The following PRICKLE1 variants were observed in gnomAD, a reference collection of about 807,000 sequenced individuals.
The protein encoded by PRICKLE1 is prickle planar cell polarity protein 1, also known as prickle-like protein 1.
A neutral mutation model predicts 70.2 loss-of-function variants in PRICKLE1; 14 were observed. The observed-to-expected ratio is 0.20, with a 90% CI of 0.13 to 0.31. The LOEUF (loss-of-function observed/expected upper bound fraction) is 0.31. PRICKLE1 is among the 10% of genes least tolerant of loss of function. The probability of loss-of-function intolerance (pLI) is 1.00; values close to 1 mark genes in which losing one functional copy is unlikely to be tolerated. For synonymous variants in PRICKLE1, 357 were observed against 379.9 expected, an observed-to-expected ratio of 0.94 and a Z score of 0.70; for missense variants, 821 against 1,026.2, an observed-to-expected ratio of 0.80 and a Z score of 2.73.
intron 1 of PRICKLE1, among the ~76,000 whole-genome samples, chr12:42,539,437 C>T (rs1488565430): frequency 6.7e-6 from 1 of 149,624 alleles, no homozygotes; most frequent in Non-Finnish European, 1.5e-5. Context: ...CACTGCACTC[C>T]AGCCTGGGTG....
intron 1 of PRICKLE1, among the ~76,000 whole-genome samples, chr12:42,516,817 A>G (rs1566110300): frequency 6.6e-6 from 1 of 151,448 alleles, no homozygotes; most frequent in Non-Finnish European, 1.5e-5. Flanking sequence ...ATGCACCCAC[A>G]CCCCCTCTCC....
intron 1 of PRICKLE1, among the ~76,000 whole-genome samples, chr12:42,520,286 A>G (rs1167474615): frequency 2.6e-5 from 4 of 152,254 alleles, no homozygotes; most frequent in Admixed American, 1.3e-4. Flanking sequence ...CTTTTCCAGC[A>G]TAACCTAAAA....
At chr12:42,586,735 ACAAT>A (rs1398772178) in intron 1 of PRICKLE1, among the ~76,000 whole-genome samples, 20 of 152,328 alleles carry the variant, frequency 1.3e-4, no homozygotes, top group African/African-American at 4.8e-4. Flanking sequence ...AGTATTATAG[ACAAT>A]CACTCATAAT....
intron 1 of PRICKLE1, among the ~76,000 whole-genome samples, chr12:42,570,769 G>A (rs1181165857): frequency 1.3e-5 from 2 of 152,136 alleles, no homozygotes; most frequent in African/African-American, 2.4e-5. Flanking sequence ...GCAGTGAGCC[G>A]AGATTGTACC....
rs1937937840 is a variant in PRICKLE1, at chr12:42,463,418, A to T, written c.1639+977T>A. Reference sequence around the variant, plus strand: ...CACAGGGAAATTCAGGAAGATGTTTAAAAAAAAAAATGAGCTTGTGGCCAG... The same window carrying T: ...CACAGGGAAATTCAGGAAGATGTTTTAAAAAAAAAATGAGCTTGTGGCCAG... On this transcript the variant is annotated intron_variant, in intron 7 of 7. Coordinates refer to ENST00000345127, the MANE Select transcript of PRICKLE1 (RefSeq NM_153026.3). Among the ~76,000 whole-genome samples, 3 of 147,316 alleles carry T rather than the reference A, an allele frequency of 2.0e-5. No individual in the cohort carries two copies. The East Asian group carries it at 6.0e-4, about 29-fold the overall frequency.
At chr12:42,530,181 T>C (rs1017281566) in intron 1 of PRICKLE1, among the ~76,000 whole-genome samples, 2 of 152,130 alleles carry the variant, frequency 1.3e-5, no homozygotes, top group African/African-American at 4.8e-5. Flanking sequence ...TGACCTCAAG[T>C]GATCCGCCTG....
chr12:42,586,390 CTT>C (rs76144587), intron 1 of PRICKLE1, among the ~76,000 whole-genome samples: 3 of 142,772 alleles, frequency 2.1e-5, no homozygotes, highest in East Asian at 2.0e-4. Context: ...TTAAAATTAC[CTT>C]TTTTTTTTTT....
At chr12:42,493,029 A>G (rs1250351725) in intron 1 of PRICKLE1, among the ~76,000 whole-genome samples, 1 of 152,192 alleles carries the variant, frequency 6.6e-6, no homozygotes, top group African/African-American at 2.4e-5. Flanking sequence ...TTATCAGTCC[A>G]TTTATTTATT....
intron 1 of PRICKLE1, among the ~76,000 whole-genome samples, chr12:42,514,937 C>CTATCT (rs1555235199): frequency 7.2e-6 from 1 of 139,096 alleles, no homozygotes; most frequent in Admixed American, 7.4e-5. Flanking sequence ...ATCTATCTAT[C>CTATCT]TATATTTTTT....
At chr12:42,501,378 C>T (rs1183809700) in intron 1 of PRICKLE1, among the ~76,000 whole-genome samples, 3 of 151,712 alleles carry the variant, frequency 2.0e-5, no homozygotes, top group Admixed American at 6.6e-5. Flanking sequence ...GGCATGGAGG[C>T]GCGTGCCTGT....
chr12:42,522,514 T>C (rs1357540367), intron 1 of PRICKLE1, among the ~76,000 whole-genome samples: 1 of 152,234 alleles, frequency 6.6e-6, no homozygotes, highest in African/African-American at 2.4e-5. Context: ...TTCTAAATTA[T>C]ATAAAAATAT....
chr12:42,506,109 A>G (rs1939405694), intron 1 of PRICKLE1, among the ~76,000 whole-genome samples: 1 of 149,414 alleles, frequency 6.7e-6, no homozygotes, highest in Admixed American at 6.8e-5. Flanking sequence ...TCAAGCACCC[A>G]TGTTGCTGAG....
chr12:42,567,353 T>C lies in PRICKLE1; in HGVS notation c.-49+22112A>G, dbSNP rs527398320. 2.0e-5 allele frequency among the ~76,000 whole-genome samples: 3 copies of C among 152,380 alleles called. No homozygotes were observed. The South Asian group carries it at 6.2e-4, about 32-fold the overall frequency. ...TTTTATGAAGACTACTACAGTACAG[T>C]CTGCTATAGAAATTTTCAGTCTTGC... is the stretch of plus-strand genomic sequence containing the variant. On this transcript the variant is annotated intron_variant, in intron 1 of 7. Transcript: ENST00000345127.
At chr12:42,543,175 G>A (rs961215140) in intron 1 of PRICKLE1, among the ~76,000 whole-genome samples, 2 of 152,148 alleles carry the variant, frequency 1.3e-5, no homozygotes, top group Non-Finnish European at 2.9e-5. Context: ...AGCCCAAGGT[G>A]CTTTGTTACA....
rs528557291 is a variant in PRICKLE1, at chr12:42,468,768, A to G, written c.446T>C (p.Val149Ala). ...AVFASRAGPGVCWHPSCFVCF... is the reference protein window; with the variant it reads ...AVFASRAGPGACWHPSCFVCF... Reference sequence around the variant, plus strand: ...GACAAAACAGGATGGGTGCCAGCACACACCAGGGCCCGCACGGGAGGCGAA... The same window carrying G: ...GACAAAACAGGATGGGTGCCAGCACGCACCAGGGCCCGCACGGGAGGCGAA... The change falls in exon 5 of 8, where the codon GTG becomes GCG. Residue 149 changes from valine to alanine, a missense_variant. Physicochemically the swap from Val to Ala is moderately conservative, Grantham distance 64. Coordinates refer to ENST00000345127, the MANE Select transcript of PRICKLE1 (RefSeq NM_153026.3). 1.5e-5 allele frequency: 25 copies of G among 1,614,156 alleles called. No homozygotes were observed. The South Asian group carries it at 2.3e-4, about 15-fold the overall frequency.
intron 1 of PRICKLE1, among the ~76,000 whole-genome samples, chr12:42,569,873 T>TC (rs1002028312): frequency 6.6e-6 from 1 of 152,204 alleles, no homozygotes; most frequent in African/African-American, 2.4e-5. Flanking sequence ...AAAGATTGTG[T>TC]CATCAGCTAA....
intron 1 of PRICKLE1, among the ~76,000 whole-genome samples, chr12:42,555,913 A>G (rs565449001): frequency 6.6e-6 from 1 of 152,302 alleles, no homozygotes; most frequent in East Asian, 1.9e-4. Flanking sequence ...CAGAGAGTAA[A>G]AAGAATTATG....
chr12:42,543,582 G>A (rs1349027714), intron 1 of PRICKLE1, among the ~76,000 whole-genome samples: 2 of 152,082 alleles, frequency 1.3e-5, no homozygotes, highest in African/African-American at 2.4e-5. Context: ...GAGTGCAGTG[G>A]CGCGATCTTG....
At chr12:42,577,711 G>A (rs1480555124) in intron 1 of PRICKLE1, among the ~76,000 whole-genome samples, 1 of 152,158 alleles carries the variant, frequency 6.6e-6, no homozygotes, top group Non-Finnish European at 1.5e-5. Context: ...AGAAAATTAT[G>A]TGACTCATCT....
Sources: allele counts gnomAD v4.1 joint callset (sites outside exome capture counted in the v4.1 genomes callset), GRCh38; gene constraint gnomAD v4.1.1; transcripts MANE v1.5; gene names NCBI Gene and HGNC (gene_info 2026-07-23, HGNC 2026-07-21).